The following ADAMTS19 variants were observed in gnomAD, a reference collection of about 807,000 sequenced individuals.
The protein encoded by ADAMTS19 is ADAM metallopeptidase with thrombospondin type 1 motif 19, also known as A disintegrin and metalloproteinase with thrombospondin motifs 19.
In ADAMTS19, 93 loss-of-function variants were observed where a neutral mutation model predicts 153.3. That is an observed-to-expected ratio of 0.61 (90% confidence interval 0.51 to 0.72). ADAMTS19 has a LOEUF of 0.72. ADAMTS19 is among the 30% of genes least tolerant of loss of function. The probability of loss-of-function intolerance (pLI) is 0.00; values close to 1 mark genes in which losing one functional copy is unlikely to be tolerated. For missense variants in ADAMTS19, 1,482 were observed against 1,552.1 expected (o/e 0.95, Z 0.76); for synonymous variants, 600 against 556.6 (o/e 1.08, Z -1.10).
chr5:129,644,489 A>G (rs55714594), intron 11 of ADAMTS19, among the ~76,000 whole-genome samples: 12,545 of 152,332 alleles, frequency 0.082, 607 homozygotes, highest in Middle Eastern at 0.15. Context: ...CTAAGAGTAT[A>G]TAATTACATC....
chr5:129,695,406 C>T (rs1755508453), intron 19 of ADAMTS19, among the ~76,000 whole-genome samples: 1 of 152,148 alleles, frequency 6.6e-6, no homozygotes, highest in Non-Finnish European at 1.5e-5. Context: ...TTGGTTTCCT[C>T]TGACACCCCC....
intron 8 of ADAMTS19, among the ~76,000 whole-genome samples, chr5:129,607,183 T>C (rs143813722): frequency 0.025 from 3,878 of 152,256 alleles, 68 homozygotes; most frequent in Admixed American, 0.039. Context: ...TCCCAAAGTG[T>C]TGGGATTACA....
intron 6 of ADAMTS19, among the ~76,000 whole-genome samples, chr5:129,534,276 C>T (rs1554090545): frequency 1.3e-5 from 2 of 152,072 alleles, no homozygotes; most frequent in Non-Finnish European, 2.9e-5. Context: ...AATCTGGGTG[C>T]TCCTGTATTG....
chr5:129,692,379 C>A (rs1308614169), intron 18 of ADAMTS19, among the ~76,000 whole-genome samples: 1 of 151,996 alleles, frequency 6.6e-6, no homozygotes, highest in Non-Finnish European at 1.5e-5. Context: ...GCTTCTCTAG[C>A]AGTTTATTTG....
chr5:129,574,614 CA>C (rs1561578860), intron 7 of ADAMTS19, among the ~76,000 whole-genome samples: 1 of 151,906 alleles, frequency 6.6e-6, no homozygotes, highest in African/African-American at 2.4e-5. Context: ...GACACAAGAC[CA>C]TTGGTTATTA....
chr5:129,537,722 A>G (rs1752500668), intron 6 of ADAMTS19, among the ~76,000 whole-genome samples: 1 of 152,018 alleles, frequency 6.6e-6, no homozygotes, highest in African/African-American at 2.4e-5. Flanking sequence ...TGGGAATTGA[A>G]CAATGAGAAC....
At chr5:129,589,415 CAT>C (rs923816847) in intron 7 of ADAMTS19, among the ~76,000 whole-genome samples, 45 of 151,858 alleles carry the variant, frequency 3.0e-4, no homozygotes, top group African/African-American at 1.1e-3. Flanking sequence ...ATTATAATTA[CAT>C]ATATGTTATC....
Position 129,621,435 on chromosome 5 carries a change from C to T in ADAMTS19, c.1619+677C>T, listed in dbSNP as rs138274199. ...TAGTGAGAAATACAGGAACACCTAG[C>T]TTGCTAAACTCACTACACAGATGAA... On this transcript the variant is annotated intron_variant, in intron 9 of 22. Transcript: ENST00000274487. Among the ~76,000 whole-genome samples the T allele has an allele frequency of 5.0e-3, 754 of 152,278 alleles. 8 individuals carry two copies. Among genetic ancestry groups the T allele is most frequent in the African/African-American group, 0.017 (720 of 41,572 alleles).
intron 7 of ADAMTS19, among the ~76,000 whole-genome samples, chr5:129,590,508 A>C (rs992536588): frequency 1.2e-4 from 19 of 152,190 alleles, no homozygotes; most frequent in Non-Finnish European, 4.4e-5. Flanking sequence ...TTTCTAGATC[A>C]GTTTTTTCTT....
chr5:129,515,910 C>G lies in ADAMTS19; in HGVS notation c.913+6668C>G, dbSNP rs139875774. ...TCTGTTTTTCCCCTTTAGTATGATA[C>G]TAGCTGTAGGCCTGTGGCGTATGAT... On this transcript the variant is annotated intron_variant, in intron 3 of 22. Coordinates refer to ENST00000274487, the MANE Select transcript of ADAMTS19 (RefSeq NM_133638.6). Among the ~76,000 whole-genome samples, 172 of 151,930 alleles carry G rather than the reference C, an allele frequency of 1.1e-3. 1 individual carries two copies. Among genetic ancestry groups the G allele is most frequent in the African/African-American group, 4.0e-3 (167 of 41,516 alleles).
chr5:129,663,873 T>C (rs1233787686), intron 15 of ADAMTS19, among the ~76,000 whole-genome samples: 1 of 152,236 alleles, frequency 6.6e-6, no homozygotes, highest in Non-Finnish European at 1.5e-5. Context: ...TCCATCTGAA[T>C]TATTTTATTC....
rs942315745 is a variant in ADAMTS19, at chr5:129,522,336, T to C, written c.914-3948T>C. Among the ~76,000 whole-genome samples, 420 of 103,096 alleles carry C rather than the reference T, an allele frequency of 4.1e-3. 2 individuals are homozygous for C. Among genetic ancestry groups the C allele is most frequent in the African/African-American group, 0.015 (354 of 23,824 alleles). The allele number at this position is 103,096 out of a possible 152,430, so 67.6% of individuals were successfully genotyped here. A position where few individuals can be genotyped will look rare whatever the true frequency, so the allele number is the denominator to read the frequency against. Reference sequence around the variant, plus strand: ...ATATATACACACACACACACACATATATATATATATATATATATATATATA... The same window carrying C: ...ATATATACACACACACACACACATACATATATATATATATATATATATATA... On this transcript the variant is annotated intron_variant, in intron 3 of 22. Coordinates refer to ENST00000274487, the MANE Select transcript of ADAMTS19 (RefSeq NM_133638.6).
At chr5:129,469,948 A>G (rs1238166312) in intron 2 of ADAMTS19, among the ~76,000 whole-genome samples, 1 of 152,230 alleles carries the variant, frequency 6.6e-6, no homozygotes, top group African/African-American at 2.4e-5. Flanking sequence ...ATATGTAGAT[A>G]CATCAGTCTT....
intron 21 of ADAMTS19, among the ~76,000 whole-genome samples, chr5:129,732,080 T>A (rs1757465045): frequency 6.6e-6 from 1 of 152,144 alleles, no homozygotes; most frequent in African/African-American, 2.4e-5. Flanking sequence ...ACCAAGAGAC[T>A]TCCCTGGTAA....
At chr5:129,526,633 A>G (rs1752018191) in intron 4 of ADAMTS19, 177 bp downstream of exon 4, 2 of 549,912 alleles carry the variant, frequency 3.6e-6, no homozygotes, top group Admixed American at 4.3e-5. Context: ...GCAATATCAA[A>G]ATAAAAATTC....
intron 6 of ADAMTS19, among the ~76,000 whole-genome samples, chr5:129,533,472 AT>A: frequency 6.6e-6 from 1 of 151,474 alleles, no homozygotes; most frequent in East Asian, 1.9e-4. Flanking sequence ...CGTCTATTTG[AT>A]TCTTCTCTCT....
chr5:129,734,397 AAGC>A (rs1350607565), intron 21 of ADAMTS19, among the ~76,000 whole-genome samples: 2 of 151,984 alleles, frequency 1.3e-5, no homozygotes, highest in African/African-American at 4.8e-5. Flanking sequence ...TACCAAGAAA[AAGC>A]AATTACTTTA....
At chr5:129,678,463 A>G (rs1308949906) in intron 16 of ADAMTS19, among the ~76,000 whole-genome samples, 9 of 152,256 alleles carry the variant, frequency 5.9e-5, no homozygotes, top group Non-Finnish European at 4.4e-5. Context: ...CCATGAAGAC[A>G]GAGAACATAT....
chr5:129,534,693 A>C (rs1186808998), intron 6 of ADAMTS19, among the ~76,000 whole-genome samples: 3 of 152,204 alleles, frequency 2.0e-5, no homozygotes, highest in Non-Finnish European at 2.9e-5. Flanking sequence ...TGGCAAACCG[A>C]ATCCAGCAGC....
Sources: allele counts gnomAD v4.1 joint callset (sites outside exome capture counted in the v4.1 genomes callset), GRCh38; gene constraint gnomAD v4.1.1; transcripts MANE v1.5; gene names NCBI Gene and HGNC (gene_info 2026-07-23, HGNC 2026-07-21).